The following BBS9 variants were observed in gnomAD, a reference collection of about 807,000 sequenced individuals.
BBS9 encodes protein PTHB1.
BBS9 carries 89 observed loss-of-function variants against 117.7 expected under a neutral mutation model. The ratio of observed to expected loss-of-function variants is 0.76; its 90% CI spans 0.64 to 0.90. The LOEUF is 0.90. Among genes scored for constraint, BBS9 ranks in the 40% least tolerant of loss-of-function variants. BBS9 has a pLI of 0.00. For synonymous variants in BBS9, 379 were observed against 370.9 expected, an observed-to-expected ratio of 1.02 and a Z score of -0.25; for missense variants, 982 against 1,042.2, an observed-to-expected ratio of 0.94 and a Z score of 0.80.
chr7:33,346,790 G>A (rs964866861), intron 12 of BBS9, among the ~76,000 whole-genome samples: 3 of 152,146 alleles, frequency 2.0e-5, no homozygotes, highest in Non-Finnish European at 2.9e-5. Context: ...ACATCGTTGT[G>A]CCAGGAAAAG....
intron 21 of BBS9, among the ~76,000 whole-genome samples, chr7:33,549,732 C>T (rs1854051343): frequency 6.6e-6 from 1 of 152,066 alleles, no homozygotes; most frequent in South Asian, 2.1e-4. Flanking sequence ...AATGAGATAC[C>T]ATCTCACACC....
At chr7:33,233,049 TA>T (rs1305512101) in intron 5 of BBS9, among the ~76,000 whole-genome samples, 1 of 152,096 alleles carries the variant, frequency 6.6e-6, no homozygotes, top group African/African-American at 2.4e-5. Flanking sequence ...TAGCAGAGTT[TA>T]ACAATTAGAA....
intron 2 of BBS9, among the ~76,000 whole-genome samples, 175 bp from the exon 3 acceptor site, chr7:33,152,526 T>A (rs2128107707): frequency 6.6e-6 from 1 of 152,336 alleles, no homozygotes; most frequent in East Asian, 1.9e-4. Flanking sequence ...TGTGTGTTAT[T>A]AAAATAAGTA....
intron 21 of BBS9, among the ~76,000 whole-genome samples, chr7:33,634,306 G>A (rs1004904474): frequency 2.0e-5 from 3 of 152,224 alleles, no homozygotes; most frequent in Non-Finnish European, 2.9e-5. Flanking sequence ...TGTGTGAGTC[G>A]TGAGAGGTGG....
At chr7:33,388,200 C>G in intron 19 of BBS9, 56 bp downstream of exon 19, 1 of 1,577,134 alleles carries the variant, frequency 6.3e-7, no homozygotes, top group Non-Finnish European at 8.7e-7. Flanking sequence ...TTTTTGTCAC[C>G]CTAGAGTCAT....
intron 21 of BBS9, among the ~76,000 whole-genome samples, chr7:33,602,196 A>G (rs931119774): frequency 8.4e-6 from 1 of 119,450 alleles, no homozygotes; most frequent in African/African-American, 5.0e-5. Flanking sequence ...GAGGCTGAGC[A>G]GGTGCAGCTA....
At chr7:33,470,580 G>T (rs905260470) in intron 19 of BBS9, among the ~76,000 whole-genome samples, 1 of 152,112 alleles carries the variant, frequency 6.6e-6, no homozygotes, top group African/African-American at 2.4e-5. Flanking sequence ...GATCAGTGAT[G>T]AATTCTCTAT....
intron 2 of BBS9, among the ~76,000 whole-genome samples, chr7:33,147,196 T>A (rs894400930): frequency 6.6e-6 from 1 of 152,164 alleles, no homozygotes; most frequent in Admixed American, 6.5e-5. Flanking sequence ...TTTCAAACAG[T>A]TTAATTCTGT....
intron 21 of BBS9, among the ~76,000 whole-genome samples, chr7:33,583,147 A>G (rs1434418139): frequency 6.6e-6 from 1 of 152,152 alleles, no homozygotes; most frequent in East Asian, 1.9e-4. Context: ...CTTCAGTGAC[A>G]TATCTTAATA....
At chr7:33,447,261 G>A (rs922841629) in intron 19 of BBS9, among the ~76,000 whole-genome samples, 4 of 152,188 alleles carry the variant, frequency 2.6e-5, no homozygotes, top group Non-Finnish European at 5.9e-5. Context: ...CACAACAAGA[G>A]GCTTGAGATC....
chr7:33,622,718 A>G (rs1865468378), intron 21 of BBS9, among the ~76,000 whole-genome samples: 1 of 152,206 alleles, frequency 6.6e-6, no homozygotes, highest in African/African-American at 2.4e-5. Flanking sequence ...AAAACATAGT[A>G]TGGAATTAAT....
At chr7:33,378,934 T>A (rs577367103) in intron 17 of BBS9, among the ~76,000 whole-genome samples, 2 of 152,302 alleles carry the variant, frequency 1.3e-5, no homozygotes, top group African/African-American at 4.8e-5. Context: ...CCATGTTTTT[T>A]CCCCAGTGAT....
intron 5 of BBS9, among the ~76,000 whole-genome samples, chr7:33,216,172 A>G (rs1247114217): frequency 6.6e-6 from 1 of 152,230 alleles, no homozygotes; most frequent in Non-Finnish European, 1.5e-5. Flanking sequence ...TGTTAAATAT[A>G]CAATGTCATA....
At chr7:33,312,333 C>T (rs17477108) in intron 9 of BBS9, among the ~76,000 whole-genome samples, 10,739 of 152,222 alleles carry the variant, frequency 0.071, 559 homozygotes, top group Non-Finnish European at 0.11. Flanking sequence ...AATGAATATA[C>T]TTCTGTAACC....
chr7:33,341,467 T>C lies in BBS9; in HGVS notation c.1275+494T>C, dbSNP rs192090672. ...TATATAGTTGGTCCAATACTTAATT[T>C]TTCCCCTGTTTCTATCTGTGTGACA... On this transcript the variant is annotated intron_variant, in intron 11 of 22. Transcript: ENST00000242067. Among the ~76,000 whole-genome samples the C allele has an allele frequency of 2.5e-3, 378 of 152,118 alleles. 1 individual carries two copies. Among genetic ancestry groups the C allele is most frequent in the African/African-American group, 8.8e-3 (367 of 41,506 alleles).
intron 19 of BBS9, among the ~76,000 whole-genome samples, chr7:33,447,998 A>T (rs1837241907): frequency 1.3e-5 from 2 of 152,302 alleles, no homozygotes; most frequent in South Asian, 2.1e-4. Context: ...TTGTAAAAAA[A>T]CAAAACAAAA....
In BBS9 at chr7:33,529,472, A is replaced by T. The variant is rs372276046; in HGVS notation, c.2299-4482A>T. 6.6e-4 allele frequency among the ~76,000 whole-genome samples: 92 copies of T among 140,016 alleles called. 1 individual carries two copies. The Middle Eastern group carries it at 0.01, about 16-fold the overall frequency. The allele number at this position is 140,016 out of a possible 152,430, so 91.9% of individuals were successfully genotyped here. ...AGGAAAACCCAGTTATCAATGCTAG[A>T]CTAGACAAAGTAAACCAAAAAATCC... On this transcript the variant is annotated intron_variant, in intron 20 of 22. Transcript: ENST00000242067.
chr7:33,330,492 G>T (rs535111455), intron 9 of BBS9, among the ~76,000 whole-genome samples: 1 of 152,114 alleles, frequency 6.6e-6, no homozygotes, highest in Non-Finnish European at 1.5e-5. Context: ...TTAATTTAGA[G>T]ATCCCTTCCT....
At chr7:33,254,845 CT>C (rs1374853218) in intron 5 of BBS9, among the ~76,000 whole-genome samples, 1 of 151,896 alleles carries the variant, frequency 6.6e-6, no homozygotes, top group Non-Finnish European at 1.5e-5. Flanking sequence ...GGATTTCTTT[CT>C]TTTTTTCTAA....
Sources: gnomAD v4.1 joint callset for allele counts (sites outside exome capture counted in the v4.1 genomes callset) on GRCh38, gnomAD v4.1.1 for gene constraint, MANE v1.5 for transcripts, NCBI Gene and HGNC (gene_info 2026-07-23, HGNC 2026-07-21) for gene names.